OTUD4: variants seen among roughly 807,000 people sequenced by gnomAD.
OTUD4 encodes the protein OTU domain-containing protein 4.
In OTUD4, 24 loss-of-function variants were observed where a neutral mutation model predicts 130.4. That is an observed-to-expected ratio of 0.18 (90% confidence interval 0.13 to 0.26). OTUD4 has a LOEUF of 0.26. Among genes scored for constraint, OTUD4 ranks in the 10% least tolerant of loss-of-function variants. The pLI is 1.00. For synonymous variants in OTUD4, 420 were observed against 472.5 expected, an observed-to-expected ratio of 0.89 and a Z score of 1.44; for missense variants, 1,031 against 1,329.4, an observed-to-expected ratio of 0.78 and a Z score of 3.49.
At chr4:145,170,855 A>C (rs1752125848) in intron 3 of OTUD4, 1 of 152,236 alleles carries the variant, frequency 6.6e-6, no homozygotes, top group Non-Finnish European at 1.5e-5. Flanking sequence ...TGAGAACGTT[A>C]GTTTTGTAAA....
At chr4:145,163,107 G>C (rs1217666844) in intron 5 of OTUD4, among the ~76,000 whole-genome samples, 1 of 152,064 alleles carries the variant, frequency 6.6e-6, no homozygotes, top group African/African-American at 2.4e-5. Flanking sequence ...CTTTGTATAA[G>C]TGATTTTCTA....
rs1751021213 is a variant in OTUD4 at position 145,150,574 on chromosome 4, G to C, written c.1198C>G (p.Gln400Glu). 6.2e-7 allele frequency: 1 copy of C among 1,612,610 alleles called. No homozygotes were observed. The highest frequency in any genetic ancestry group is 1.7e-5 in the Admixed American group (1 of 59,992). Reference sequence around the variant, plus strand: ...TGCTCACTGGAGAATTTCTGAGACTGTGACCCTGAAGAATGACTAGAGAAC... The same window carrying C: ...TGCTCACTGGAGAATTTCTGAGACTCTGACCCTGAAGAATGACTAGAGAAC... ...HAFSSHSSGS[Q>E]SQKFSSEHKN... Residue 400 changes from glutamine to glutamate, a missense_variant, in exon 13 of 21, where the codon CAG becomes GAG. Gln to Glu is a conservative substitution (Grantham distance 29, BLOSUM62 2). Around this residue, in one of 3 missense-constraint regions of OTUD4, gnomAD observed 900 missense variants for 1,095.9 expected, o/e 0.82. Transcript: ENST00000447906.
intron 13 of OTUD4, among the ~76,000 whole-genome samples, chr4:145,146,991 G>A (rs1467985835): frequency 6.6e-6 from 1 of 152,150 alleles, no homozygotes; most frequent in African/African-American, 2.4e-5. Flanking sequence ...CAATTGCATA[G>A]ATAAGACTGC....
Position 145,152,454 on chromosome 4 carries a change from T to G in OTUD4, c.968+87A>C. 2.7e-6 allele frequency: 2 copies of G among 732,012 alleles called. 1 individual carries two copies. The highest frequency in any genetic ancestry group is 3.5e-5 in the South Asian group (2 of 57,764). 45.3% of individuals were successfully genotyped at this position (732,012 alleles called of 1,614,324 possible). ...ATGGGCAATTATCTTTCATTGAATT[T>G]GCAAATACTGAAGGCCATTTTAAAA... On this transcript the variant is annotated intron_variant, in intron 11 of 20. Transcript: ENST00000447906.
chr4:145,176,030 TTTTC>T (rs1419285930), intron 1 of OTUD4, among the ~76,000 whole-genome samples: 22 of 149,004 alleles, frequency 1.5e-4, no homozygotes, highest in Non-Finnish European at 2.1e-4. Context: ...TCCGGCTAAT[TTTTC>T]TTTCTTTCTT....
At chr4:145,140,025 A>G (rs566756174) in intron 19 of OTUD4, 34 bp from the exon 20 acceptor site, 32 of 647,440 alleles carry the variant, frequency 4.9e-5, no homozygotes, top group East Asian at 3.4e-4. Flanking sequence ...TTAAAATTAT[A>G]TATCTGCAGA....
intron 1 of OTUD4, among the ~76,000 whole-genome samples, chr4:145,176,119 C>T (rs183810227): frequency 3.6e-4 from 55 of 151,106 alleles, no homozygotes; most frequent in Non-Finnish European, 7.2e-4. Flanking sequence ...TGGTCTCAAA[C>T]TCCTGACCTC....
At chr4:145,165,015 C>T (rs1187426268) in intron 4 of OTUD4, 136 bp downstream of exon 4, 7 of 471,206 alleles carry the variant, frequency 1.5e-5, no homozygotes, top group Non-Finnish European at 2.7e-5. Flanking sequence ...CTAATTGATG[C>T]AATTAAAAAA....
intron 11 of OTUD4, 129 bp from the exon 12 acceptor site, chr4:145,151,034 T>G: frequency 1.9e-6 from 1 of 526,370 alleles, no homozygotes; most frequent in Non-Finnish European, 3.3e-6. Context: ...CAAATTACAA[T>G]TAAGGTACAA....
rs555245071 is a variant in OTUD4, at chr4:145,136,551, G to T, written c.*879C>A. The T allele has an allele frequency of 7.7e-6, 1 of 129,166 alleles. No homozygotes were observed. The highest frequency in any genetic ancestry group is 1.6e-5 in the Non-Finnish European group (1 of 64,222). The allele number at this position is 129,166 out of a possible 1,614,324, so 8.0% of individuals were successfully genotyped here. A position where few individuals can be genotyped will look rare whatever the true frequency, so the allele number is the denominator to read the frequency against. ...TCTTCTCACAAAATATTTAGAATCT[G>T]TCAGTGCATTAGTGTTAAAGTGGCA... is the stretch of plus-strand genomic sequence containing the variant. On this transcript the variant is annotated 3_prime_UTR_variant, in exon 21 of 21. Coordinates refer to ENST00000447906, the MANE Select transcript of OTUD4 (RefSeq NM_001366057.1).
In OTUD4 at chr4:145,143,362, T is replaced by TA. The variant is rs759441598; in HGVS notation, c.1683+2dup. 2.5e-6 allele frequency: 4 copies of TA among 1,573,810 alleles called. No individual in the cohort carries two copies. Among genetic ancestry groups the TA allele is most frequent in the South Asian group, 1.1e-5 (1 of 90,246 alleles). ...TCAATGTTAAATGCAACAATATACT[T>TA]ACTTGTTCCGCAGGAGAAGGGCACT... is the stretch of plus-strand genomic sequence containing the variant. On this transcript the variant is annotated splice_region_variant and intron_variant, in intron 17 of 20. Transcript: ENST00000447906.
intron 18 of OTUD4, 47 bp from the exon 19 acceptor site, chr4:145,141,686 T>C (rs1259231470): frequency 6.8e-7 from 1 of 1,470,352 alleles, no homozygotes; most frequent in South Asian, 1.4e-5. Context: ...GATGAAAATC[T>C]CTACAAATAT....
intron 6 of OTUD4, 115 bp from the exon 7 acceptor site, chr4:145,159,750 G>T: frequency 1.1e-6 from 1 of 926,854 alleles, no homozygotes; most frequent in African/African-American, 1.7e-5. Context: ...ATCCTGACTA[G>T]ATATCTGCTA....
At chr4:145,159,323 T>A in intron 7 of OTUD4, 180 bp downstream of exon 7, 1 of 1,424,378 alleles carries the variant, frequency 7.0e-7, no homozygotes, top group South Asian at 1.5e-5. Context: ...AACAGTCCCA[T>A]AATAGAAATT....
In OTUD4 at chr4:145,150,881, T is replaced by G. The variant is rs1219964350; in HGVS notation, c.993A>C (p.Ala331=). ...GKKHTSKNLK[A]PPPESWNTVS... is the part of the protein sequence containing the mutation. ...CTGTGTTCCAGCTTTCTGGGGGAGG[T>G]GCCTTGAGGTTCTTTGATGTGTGCC... Residue 331 remains alanine (A), a synonymous_variant, in exon 12 of 21, where the codon GCA becomes GCC. Coordinates refer to ENST00000447906, the MANE Select transcript of OTUD4 (RefSeq NM_001366057.1). The G allele has an allele frequency of 1.2e-6, 2 of 1,613,544 alleles. No individual in the cohort carries two copies. Among genetic ancestry groups the G allele is most frequent in the Non-Finnish European group, 8.5e-7 (1 of 1,179,760 alleles).
chr4:145,143,162 T>C (rs1750645700), intron 17 of OTUD4, among the ~76,000 whole-genome samples: 1 of 152,210 alleles, frequency 6.6e-6, no homozygotes, highest in Admixed American at 6.5e-5. Context: ...ATGGTGGTTA[T>C]TTCTATAACA....
At chr4:145,161,456 A>C (rs775534438) in intron 6 of OTUD4, among the ~76,000 whole-genome samples, 1 of 152,232 alleles carries the variant, frequency 6.6e-6, no homozygotes, top group Non-Finnish European at 1.5e-5. Flanking sequence ...GAGCAGAGGA[A>C]AAAGCTGTCA....
At chr4:145,150,025 C>G (rs1008578736) in intron 13 of OTUD4, among the ~76,000 whole-genome samples, 2 of 152,156 alleles carry the variant, frequency 1.3e-5, no homozygotes, top group African/African-American at 4.8e-5. Flanking sequence ...AGTCAGAATG[C>G]TGATATTTAT....
At chr4:145,148,376 A>AT (rs765113491) in intron 13 of OTUD4, among the ~76,000 whole-genome samples, 4 of 152,084 alleles carry the variant, frequency 2.6e-5, no homozygotes, top group Non-Finnish European at 4.4e-5. Context: ...GTGCATGCCT[A>AT]TAATCCCAGC....
Sources: allele counts gnomAD v4.1 joint callset (sites outside exome capture counted in the v4.1 genomes callset), GRCh38; gene constraint gnomAD v4.1.1; regional missense constraint gnomAD v4.1.1; transcripts MANE v1.5; gene names NCBI Gene and HGNC (gene_info 2026-07-23, HGNC 2026-07-21).